NFX1: variants seen among roughly 807,000 people sequenced by gnomAD.
NFX1 encodes the protein transcriptional repressor NF-X1.
A neutral mutation model predicts 137.2 loss-of-function variants in NFX1; 69 were observed. The observed-to-expected ratio is 0.50, with a 90% CI of 0.41 to 0.61. The LOEUF is 0.61. Ranked by LOEUF, NFX1 falls within the 20% of genes least tolerant of loss-of-function variation. The pLI, the probability that NFX1 is intolerant of heterozygous loss-of-function variation, is 0.00. For missense variants in NFX1, 1,167 were observed against 1,391.0 expected (o/e 0.84, Z 2.56); for synonymous variants, 495 against 474.1 (o/e 1.04, Z -0.57).
chr9:33,303,509 T>G (rs1001805511), intron 4 of NFX1, among the ~76,000 whole-genome samples: 1 of 152,214 alleles, frequency 6.6e-6, no homozygotes, highest in African/African-American at 2.4e-5. Flanking sequence ...AGTGCTTGTC[T>G]CCTTGGTCTT....
chr9:33,291,212 C>G (rs1015594057), intron 1 of NFX1, among the ~76,000 whole-genome samples: 17 of 152,310 alleles, frequency 1.1e-4, no homozygotes, highest in African/African-American at 3.1e-4. Flanking sequence ...GATATAACAT[C>G]CATTTCCTCA....
intron 13 of NFX1, 34 bp downstream of exon 13, chr9:33,342,888 G>GT (rs1172870708): frequency 2.1e-6 from 3 of 1,412,054 alleles, no homozygotes; most frequent in Non-Finnish European, 2.9e-6. Context: ...TATTAGAAGA[G>GT]TTTTTTAGAA....
At chr9:33,292,646 G>A (rs1821204349) in intron 1 of NFX1, among the ~76,000 whole-genome samples, 2 of 152,098 alleles carry the variant, frequency 1.3e-5, no homozygotes, top group South Asian at 2.1e-4. Context: ...TCTCTTATGG[G>A]TTTTTTTCCT....
chr9:33,358,355 A>G (rs1258095591), intron 19 of NFX1, among the ~76,000 whole-genome samples: 2 of 151,966 alleles, frequency 1.3e-5, no homozygotes, highest in Non-Finnish European at 2.9e-5. Flanking sequence ...CAATCTCCTG[A>G]CCTTATGATC....
At chr9:33,364,615 T>G (rs1824115166) in intron 20 of NFX1, 93 bp from the exon 21 acceptor site, 1 of 1,418,416 alleles carries the variant, frequency 7.1e-7, no homozygotes, top group Non-Finnish European at 9.6e-7. Flanking sequence ...GCCAGCATTG[T>G]CTATTGTCTA....
chr9:33,327,995 A>G (rs1027725899), intron 9 of NFX1, among the ~76,000 whole-genome samples: 1 of 152,086 alleles, frequency 6.6e-6, no homozygotes, highest in African/African-American at 2.4e-5. Context: ...CTGAGGAAAA[A>G]GAAGATTTAT....
At chr9:33,312,503 CTCT>C (rs530938010) in intron 6 of NFX1, among the ~76,000 whole-genome samples, 1 of 152,216 alleles carries the variant, frequency 6.6e-6, no homozygotes, top group Non-Finnish European at 1.5e-5. Flanking sequence ...TGAAATAAAA[CTCT>C]TCTTGCAGGA....
chr9:33,297,867 G>T (rs1390880375), intron 2 of NFX1, among the ~76,000 whole-genome samples: 2 of 152,136 alleles, frequency 1.3e-5, no homozygotes, highest in Non-Finnish European at 2.9e-5. Context: ...ATTAAGTCAG[G>T]CCCACCCATA....
At chr9:33,367,300 A>G (rs574486594) in intron 22 of NFX1, among the ~76,000 whole-genome samples, 10 of 152,330 alleles carry the variant, frequency 6.6e-5, no homozygotes, top group African/African-American at 2.2e-4. Flanking sequence ...AGTGAAGAAA[A>G]CAAGTCTGAC....
chr9:33,354,253 T>G, intron 18 of NFX1, 66 bp downstream of exon 18: 1 of 1,256,576 alleles, frequency 8.0e-7, no homozygotes, highest in South Asian at 1.3e-5. Flanking sequence ...GGGCAGAGAT[T>G]ATTCATTTAT....
chr9:33,364,184 T>C (rs1587882197), intron 20 of NFX1, 76 bp downstream of exon 20: 3 of 946,064 alleles, frequency 3.2e-6, no homozygotes, highest in Non-Finnish European at 4.9e-6. Flanking sequence ...ATAACTAATA[T>C]GTACTCCTCC....
At chr9:33,347,776 C>A in intron 15 of NFX1, 1 of 320,260 alleles carries the variant, frequency 3.1e-6, no homozygotes, top group Non-Finnish European at 6.4e-6. Context: ...GTGGAACCAG[C>A]CCAACTGCCC....
At chr9:33,340,367 G>C (rs1010701261) in intron 12 of NFX1, among the ~76,000 whole-genome samples, 1 of 152,250 alleles carries the variant, frequency 6.6e-6, no homozygotes, top group African/African-American at 2.4e-5. Context: ...TTCAGCTACA[G>C]CTGGAGTGGC....
At chr9:33,351,067 C>A (rs1823618387) in intron 15 of NFX1, among the ~76,000 whole-genome samples, 1 of 152,176 alleles carries the variant, frequency 6.6e-6, no homozygotes, top group African/African-American at 2.4e-5. Flanking sequence ...TCACTTGAAC[C>A]CTGGAGGTGG....
intron 21 of NFX1, chr9:33,365,078 A>G (rs753168068): frequency 2.5e-6 from 2 of 814,296 alleles, no homozygotes; most frequent in Non-Finnish European, 1.6e-6. Flanking sequence ...GTTCTAGATC[A>G]GCTTGGCCAA....
At chr9:33,306,936 G>GT (rs1821774754) in intron 4 of NFX1, among the ~76,000 whole-genome samples, 1 of 152,184 alleles carries the variant, frequency 6.6e-6, no homozygotes, top group Non-Finnish European at 1.5e-5. Flanking sequence ...AGTCAAGATA[G>GT]TATTTTCGTA....
In NFX1 at chr9:33,294,729, A is replaced by G. The variant is rs1414989114; in HGVS notation, c.335A>G (p.Glu112Gly). Reference sequence around the variant, plus strand: ...CAACCTTGGCAGAAATTGAGGAATGAGAAGCACCATATCAGAGTCAAGAAA... The same window carrying G: ...CAACCTTGGCAGAAATTGAGGAATGGGAAGCACCATATCAGAGTCAAGAAA... ...QNQPWQKLRN[E>G]KHHIRVKKAQ... The change falls in exon 2 of 24, where the codon GAG (glutamate) becomes GGG (glycine). Residue 112 changes from glutamate to glycine, a missense_variant. Coordinates refer to ENST00000379540, the MANE Select transcript of NFX1 (RefSeq NM_002504.6). 6.2e-7 allele frequency: 1 copy of G among 1,614,162 alleles called. No homozygotes were observed.
intron 18 of NFX1, among the ~76,000 whole-genome samples, chr9:33,354,470 T>G (rs999279561): frequency 1.3e-5 from 2 of 151,994 alleles, no homozygotes; most frequent in African/African-American, 4.8e-5. Context: ...CCCAGAGAGG[T>G]GGCCATCTCT....
chr9:33,354,636 T>C (rs1193929673), intron 18 of NFX1, among the ~76,000 whole-genome samples: 1 of 152,194 alleles, frequency 6.6e-6, no homozygotes, highest in African/African-American at 2.4e-5. Flanking sequence ...CAGCCATTCC[T>C]GGATTGGGGT....
Sources: allele counts gnomAD v4.1 joint callset (sites outside exome capture counted in the v4.1 genomes callset), GRCh38; gene constraint gnomAD v4.1.1; transcripts MANE v1.5; gene names NCBI Gene and HGNC (gene_info 2026-07-23, HGNC 2026-07-21).